The following FLRT1 variants were observed in gnomAD, a reference collection of about 807,000 sequenced individuals.
FLRT1 encodes the protein fibronectin leucine rich transmembrane protein 1, also known as leucine-rich repeat transmembrane protein FLRT1.
In FLRT1, 14 loss-of-function variants were observed where a neutral mutation model predicts 30.9. That is an observed-to-expected ratio of 0.45 (90% CI 0.30 to 0.71). FLRT1 has a LOEUF of 0.71. FLRT1 is among the 30% of genes least tolerant of loss of function. The pLI is 0.08. For missense variants in FLRT1, 737 were observed against 949.2 expected (o/e 0.78, Z 2.94); for synonymous variants, 368 against 430.4 (o/e 0.85, Z 1.80).
intron 1 of FLRT1, among the ~76,000 whole-genome samples, chr11:64,038,254 G>A (rs548502933): frequency 6.6e-6 from 1 of 152,230 alleles, no homozygotes. Context: ...CCTGGTGGCT[G>A]AGCCTGTGTC....
chr11:64,117,413 GC>G lies in FLRT1; in HGVS notation c.1148del (p.Pro383ArgfsTer61). 1 of 1,612,336 alleles carries G rather than the reference GC, an allele frequency of 6.2e-7. No homozygotes were observed. The highest frequency in any genetic ancestry group is 2.2e-5 in the East Asian group (1 of 44,830). Reference protein sequence around the residue: ...SEMDECFETGPQGGVANAAAK... With the variant: ...SEMDECFETGXQGGVANAAAK... The stretch of plus-strand genomic sequence containing the variant: ...AGATGGACGAGTGTTTTGAGACGGG[GC>G]CGCAGGGCGGCGTGGCCAATGCGGC... On this transcript the variant is annotated frameshift_variant, in exon 3 of 3. Transcript: ENST00000682287. LOFTEE classifies it high-confidence loss of function.
intron 2 of FLRT1, among the ~76,000 whole-genome samples, chr11:64,115,381 CT>C (rs111536886): frequency 1.4e-3 from 200 of 145,784 alleles, no homozygotes; most frequent in South Asian, 3.7e-3. Flanking sequence ...AAACAGACCA[CT>C]TTTTTTTTTT....
At chr11:64,106,319 G>A (rs1386211429) in intron 2 of FLRT1, among the ~76,000 whole-genome samples, 1 of 152,144 alleles carries the variant, frequency 6.6e-6, no homozygotes, top group Non-Finnish European at 1.5e-5. Flanking sequence ...GCTGTAGGAA[G>A]GCCAGCCTCC....
At chr11:64,105,585 G>C (rs777250878) in intron 2 of FLRT1, among the ~76,000 whole-genome samples, 23 of 152,174 alleles carry the variant, frequency 1.5e-4, no homozygotes, top group Non-Finnish European at 3.2e-4. Context: ...ACCCAGCCCT[G>C]CCAGCTACTC....
intron 1 of FLRT1, among the ~76,000 whole-genome samples, chr11:64,087,383 A>ACACCCCTG: frequency 6.6e-6 from 1 of 152,104 alleles, no homozygotes; most frequent in Non-Finnish European, 1.5e-5. Context: ...TGTAGCCCTG[A>ACACCCCTG]CCACAGGCCG....
intron 1 of FLRT1, among the ~76,000 whole-genome samples, chr11:64,097,636 GCGGAGGC>G (rs1458693011): frequency 6.6e-6 from 1 of 152,258 alleles, no homozygotes; most frequent in Non-Finnish European, 1.5e-5. Flanking sequence ...AATTAGCAGA[GCGGAGGC>G]TGGGAGGGTT....
intron 1 of FLRT1, among the ~76,000 whole-genome samples, chr11:64,055,790 AG>A (rs1943774831): frequency 6.6e-6 from 1 of 152,048 alleles, no homozygotes; most frequent in Non-Finnish European, 1.5e-5. Flanking sequence ...TTTCATACAG[AG>A]GATGCTGGTT....
At chr11:64,098,511 G>A (rs909548364) in intron 1 of FLRT1, among the ~76,000 whole-genome samples, 1 of 152,216 alleles carries the variant, frequency 6.6e-6, no homozygotes, top group Non-Finnish European at 1.5e-5. Flanking sequence ...CGGGAGAGAG[G>A]GAATAAGCAG....
intron 1 of FLRT1, among the ~76,000 whole-genome samples, chr11:64,079,899 G>A (rs1232722428): frequency 6.6e-6 from 1 of 152,264 alleles, no homozygotes; most frequent in African/African-American, 2.4e-5. Flanking sequence ...GTCTTCAGTC[G>A]TAAATGAGGG....
intron 1 of FLRT1, among the ~76,000 whole-genome samples, chr11:64,083,280 C>CA (rs940855123): frequency 2.0e-4 from 31 of 152,106 alleles, no homozygotes; most frequent in Non-Finnish European, 3.5e-4. Context: ...TACTAAAATA[C>CA]AAAAAAACAG....
chr11:64,075,914 TCCACCCGCCTCGGCTTC>T (rs1944191756), intron 1 of FLRT1, among the ~76,000 whole-genome samples: 1 of 152,202 alleles, frequency 6.6e-6, no homozygotes, highest in Non-Finnish European at 1.5e-5. Flanking sequence ...CCTCAAGTGA[TCCACCCGCCTCGGCTTC>T]CCAAAGTGTT....
intron 1 of FLRT1, among the ~76,000 whole-genome samples, chr11:64,042,363 C>T (rs527711275): frequency 8.9e-4 from 135 of 152,302 alleles, no homozygotes; most frequent in African/African-American, 3.2e-3. Flanking sequence ...CCTTCCTGCC[C>T]CCAGACAGTG....
rs968880953 is a variant in FLRT1, at chr11:64,090,114, G to T, written c.-1037-13080G>T. On this transcript the variant is annotated intron_variant, in intron 1 of 2. Transcript: ENST00000682287. This position sits in a 1 kb window ranked among gnomAD's most constrained non-coding sequence, Gnocchi z 4.7. ...CTAGAATGGGGCTGGGGGAGGGGAAGATATGCACCCTCTCCCCACGGGGCT... is the reference window on the plus strand; with the variant it reads ...CTAGAATGGGGCTGGGGGAGGGGAATATATGCACCCTCTCCCCACGGGGCT... 6.6e-6 allele frequency among the ~76,000 whole-genome samples: 1 copy of T among 152,242 alleles called. No individual in the cohort carries two copies. The highest frequency in any genetic ancestry group is 2.4e-5 in the African/African-American group (1 of 41,546).
intron 1 of FLRT1, among the ~76,000 whole-genome samples, chr11:64,046,505 G>C (rs981246341): frequency 6.6e-6 from 1 of 152,158 alleles, no homozygotes; most frequent in Non-Finnish European, 1.5e-5. Flanking sequence ...GGGACCCTGC[G>C]CTGTGCTCCA....
At chr11:64,088,414 C>T (rs1396460450) in intron 1 of FLRT1, among the ~76,000 whole-genome samples, 1 of 152,174 alleles carries the variant, frequency 6.6e-6, no homozygotes, top group Non-Finnish European at 1.5e-5. Flanking sequence ...AAGGCCGGCA[C>T]AAGCATCCTC....
chr11:64,047,885 GA>G (rs1420063762), intron 1 of FLRT1, among the ~76,000 whole-genome samples: 1 of 132,454 alleles, frequency 7.5e-6, no homozygotes, highest in Non-Finnish European at 1.6e-5. Flanking sequence ...TGACAAGAGT[GA>G]AACTCCGTCT....
intron 1 of FLRT1, among the ~76,000 whole-genome samples, chr11:64,040,724 G>T (rs1038379485): frequency 6.6e-6 from 1 of 152,178 alleles, no homozygotes; most frequent in East Asian, 1.9e-4. Context: ...AGGAGAGTCC[G>T]CAGAAACCCT....
chr11:64,111,555 G>A (rs1249646905), intron 2 of FLRT1, among the ~76,000 whole-genome samples: 1 of 152,186 alleles, frequency 6.6e-6, no homozygotes, highest in Non-Finnish European at 1.5e-5. Context: ...CTGTGACCTT[G>A]GCTGGGCCCC....
chr11:64,062,950 C>T (rs1170866667), intron 1 of FLRT1, among the ~76,000 whole-genome samples: 1 of 152,230 alleles, frequency 6.6e-6, no homozygotes, highest in Non-Finnish European at 1.5e-5. Context: ...CGTGCTCCAG[C>T]ATGGCCTGGG....
Sources: allele counts gnomAD v4.1 joint callset (sites outside exome capture counted in the v4.1 genomes callset), GRCh38; gene constraint gnomAD v4.1.1; non-coding constraint Gnocchi (gnomAD v3.1); transcripts MANE v1.5; gene names NCBI Gene and HGNC (gene_info 2026-07-23, HGNC 2026-07-21).